Variants in TUSC3 observed in about 807,000 individuals in gnomAD.
TUSC3 encodes the protein tumor suppressor candidate 3, also known as dolichyl-diphosphooligosaccharide--protein glycosyltransferase subunit TUSC3.
In TUSC3, 45 loss-of-function variants were observed where a neutral mutation model predicts 44.8. The observed-to-expected ratio is 1.00, with a 90% CI of 0.79 to 1.29. The LOEUF is 1.29. Ranked by LOEUF, TUSC3 falls within the 50% of genes most tolerant of loss-of-function variation. TUSC3 has a pLI of 0.00. For missense variants in TUSC3, 519 were observed against 437.9 expected, an observed-to-expected ratio of 1.19 and a Z score of -1.65; for synonymous variants, 212 against 152.9, an observed-to-expected ratio of 1.39 and a Z score of -2.85.
chr8:15,641,980 C>G (rs1008551404), intron 2 of TUSC3, among the ~76,000 whole-genome samples: 2 of 152,194 alleles, frequency 1.3e-5, no homozygotes, highest in African/African-American at 2.4e-5. Context: ...TATGTCTACA[C>G]TCACCAAATT....
the TUSC3 span, among the ~76,000 whole-genome samples, chr8:15,818,746 CTAAA>C: frequency 6.6e-6 from 1 of 152,192 alleles, no homozygotes; most frequent in Non-Finnish European, 1.5e-5. Context: ...CTTTTAAGAA[CTAAA>C]TACTCATGTA....
chr8:15,574,332 G>A (rs1803006662), intron 1 of TUSC3, among the ~76,000 whole-genome samples: 1 of 152,000 alleles, frequency 6.6e-6, no homozygotes, highest in African/African-American at 2.4e-5. Context: ...AAATAAATAT[G>A]ATGAGTATGG....
chr8:15,704,141 A>G (rs2129196640), intron 6 of TUSC3, among the ~76,000 whole-genome samples: 2 of 152,164 alleles, frequency 1.3e-5, no homozygotes, highest in East Asian at 3.9e-4. Context: ...GAGAAGGCCT[A>G]TCTGAAAAGA....
At chr8:15,808,396 T>G in the TUSC3 span, among the ~76,000 whole-genome samples, 1 of 152,326 alleles carries the variant, frequency 6.6e-6, no homozygotes, top group South Asian at 2.1e-4. Context: ...TGTAACACTT[T>G]CTTAATATTC....
chr8:15,586,717 A>G (rs890197525), intron 1 of TUSC3, among the ~76,000 whole-genome samples: 7 of 152,206 alleles, frequency 4.6e-5, no homozygotes, highest in Non-Finnish European at 7.3e-5. Flanking sequence ...GCTGTCACTC[A>G]TAGCTGAGCA....
chr8:15,584,141 A>G (rs754292837), intron 1 of TUSC3, among the ~76,000 whole-genome samples: 67 of 152,316 alleles, frequency 4.4e-4, no homozygotes, highest in African/African-American at 1.6e-3. Flanking sequence ...CTTGTTAAAG[A>G]TTTCCTTAAG....
intron 2 of TUSC3, among the ~76,000 whole-genome samples, chr8:15,630,683 C>A (rs1201302282): frequency 6.6e-6 from 1 of 152,080 alleles, no homozygotes; most frequent in Admixed American, 6.5e-5. Flanking sequence ...TTGTGTCTTG[C>A]TTTTGTGTTC....
At chr8:15,649,746 A>G (rs1353615534) in intron 2 of TUSC3, among the ~76,000 whole-genome samples, 1 of 151,980 alleles carries the variant, frequency 6.6e-6, no homozygotes. Flanking sequence ...ACTTTTCACC[A>G]GCTTTCTGTT....
chr8:15,613,494 A>G (rs1296659090), intron 1 of TUSC3, among the ~76,000 whole-genome samples: 1 of 152,082 alleles, frequency 6.6e-6, no homozygotes, highest in Non-Finnish European at 1.5e-5. Flanking sequence ...AAGTCTCATG[A>G]GATGTGATGG....
chr8:15,697,921 T>G (rs1809240063), intron 6 of TUSC3, among the ~76,000 whole-genome samples: 1 of 152,210 alleles, frequency 6.6e-6, no homozygotes, highest in Admixed American at 6.5e-5. Context: ...ATAAATTACC[T>G]TATACAGATT....
chr8:15,440,372 A>T (rs1585790077), intron 1 of TUSC3, among the ~76,000 whole-genome samples: 1 of 152,206 alleles, frequency 6.6e-6, no homozygotes, highest in Non-Finnish European at 1.5e-5. Flanking sequence ...GTAGAAACCC[A>T]GAATGATTAG....
At chr8:15,644,610 A>G (rs1806541714) in intron 2 of TUSC3, among the ~76,000 whole-genome samples, 1 of 152,048 alleles carries the variant, frequency 6.6e-6, no homozygotes, top group Non-Finnish European at 1.5e-5. Context: ...CCCCTATTAA[A>G]CGTTAAGAAG....
At chr8:15,450,142 A>G (rs1585050377) in intron 1 of TUSC3, among the ~76,000 whole-genome samples, 1 of 152,224 alleles carries the variant, frequency 6.6e-6, no homozygotes, top group Non-Finnish European at 1.5e-5. Flanking sequence ...GTATAAAAAA[A>G]GTGTGAGAGG....
In TUSC3 at chr8:15,504,602, TATATATATATATATATA is replaced by T. The variant is rs1258595110; in HGVS notation, n.189+21120_189+21136del. Among the ~76,000 whole-genome samples, 92 of 42,816 alleles carry T rather than the reference TATATATATATATATATA, an allele frequency of 2.1e-3. 1 individual carries two copies. The East Asian group carries it at 0.025, about 11-fold the overall frequency. 28.1% of individuals were successfully genotyped at this position (42,816 alleles called of 152,430 possible). A position where few individuals can be genotyped will look rare whatever the true frequency, so the allele number is the denominator to read the frequency against. On this transcript the variant is annotated intron_variant and non_coding_transcript_variant, in intron 2 of 5. Coordinates refer to the TUSC3 transcript ENST00000503191. ...GGATATATATATATATATATATATA[TATATATATATATATATA>T]TATTTTTTTTTTTTTTTTTTTTTAA...
At chr8:15,464,120 C>A (rs574215003) in intron 1 of TUSC3, among the ~76,000 whole-genome samples, 1 of 152,226 alleles carries the variant, frequency 6.6e-6, no homozygotes, top group South Asian at 2.1e-4. Context: ...GGCAAATTAG[C>A]CAAAATGGTT....
intron 6 of TUSC3, among the ~76,000 whole-genome samples, chr8:15,683,171 T>A (rs1441063722): frequency 6.6e-6 from 1 of 152,176 alleles, no homozygotes; most frequent in East Asian, 1.9e-4. Context: ...AATCTCTGCA[T>A]TTCTTGTATT....
At chr8:15,804,926 G>C in the TUSC3 span, among the ~76,000 whole-genome samples, 1 of 152,026 alleles carries the variant, frequency 6.6e-6, no homozygotes, top group African/African-American at 2.4e-5. Context: ...TGGGCAGTAT[G>C]GCCATTTTAA....
At chr8:15,458,961 A>C (rs933887968) in intron 1 of TUSC3, among the ~76,000 whole-genome samples, 1 of 152,102 alleles carries the variant, frequency 6.6e-6, no homozygotes, top group African/African-American at 2.4e-5. Context: ...AAAGAGGTTT[A>C]AGTTAATCTT....
chr8:15,489,232 G>T (rs1232817129), intron 2 of TUSC3, among the ~76,000 whole-genome samples: 1 of 152,166 alleles, frequency 6.6e-6, no homozygotes, highest in African/African-American at 2.4e-5. Context: ...TGAAGTAGGG[G>T]TTTCTGGGTC....
Sources: allele counts gnomAD v4.1 joint callset (sites outside exome capture counted in the v4.1 genomes callset), GRCh38; gene constraint gnomAD v4.1.1; transcripts MANE v1.5; gene names NCBI Gene and HGNC (gene_info 2026-07-23, HGNC 2026-07-21).